The following PCED1B variants were observed in gnomAD, a reference collection of about 807,000 sequenced individuals.
The protein encoded by PCED1B is PC-esterase domain-containing protein 1B.
For synonymous variants in PCED1B, 251 were observed against 246.1 expected (o/e 1.02, Z -0.19); for missense variants, 573 against 573.9 (o/e 1.00, Z 0.02).
intron 2 of PCED1B, among the ~76,000 whole-genome samples, chr12:47,187,542 G>T (rs539844263): frequency 6.6e-6 from 1 of 152,268 alleles, no homozygotes; most frequent in South Asian, 2.1e-4. Context: ...CAGTGAAAGT[G>T]TAAACAGTTA....
intron 2 of PCED1B, among the ~76,000 whole-genome samples, chr12:47,211,352 T>A (rs1460709797): frequency 2.0e-5 from 3 of 152,158 alleles, no homozygotes; most frequent in Non-Finnish European, 4.4e-5. Context: ...TCTATCTTCC[T>A]TGACAAAACA....
intron 2 of PCED1B, among the ~76,000 whole-genome samples, chr12:47,158,970 G>T (rs759790800): frequency 3.3e-4 from 50 of 151,910 alleles, no homozygotes; most frequent in African/African-American, 1.1e-3. Context: ...AACTTTTTTA[G>T]CTCTCCCGTA....
rs879618355 is a variant in PCED1B, at chr12:47,146,588, A to C, written c.-526+42393A>C. On this transcript the variant is annotated intron_variant, in intron 2 of 3. Coordinates refer to ENST00000546455, the MANE Select transcript of PCED1B (RefSeq NM_138371.3). ...ACCACCCTGATCAGATTGAGGCAAGACCCTATACCGGCAAAAAGATTACAG... is the reference window on the plus strand; with the variant it reads ...ACCACCCTGATCAGATTGAGGCAAGCCCCTATACCGGCAAAAAGATTACAG... Among the ~76,000 whole-genome samples the C allele has an allele frequency of 1.3e-3, 197 of 152,198 alleles. 2 individuals are homozygous for C. The highest frequency in any genetic ancestry group is 2.4e-3 in the Non-Finnish European group (164 of 68,036).
intron 2 of PCED1B, among the ~76,000 whole-genome samples, chr12:47,212,378 C>T (rs987634659): frequency 6.6e-6 from 1 of 152,198 alleles, no homozygotes; most frequent in Non-Finnish European, 1.5e-5. Context: ...AGACCCAGTT[C>T]TTGCAGGGCA....
intron 2 of PCED1B, among the ~76,000 whole-genome samples, chr12:47,159,406 T>C (rs961388269): frequency 6.6e-6 from 1 of 152,140 alleles, no homozygotes; most frequent in Non-Finnish European, 1.5e-5. Context: ...CTTGCCAGCA[T>C]TAGTTATTTT....
chr12:47,151,396 G>A (rs1487886578), intron 2 of PCED1B, among the ~76,000 whole-genome samples: 1 of 152,184 alleles, frequency 6.6e-6, no homozygotes, highest in African/African-American at 2.4e-5. Flanking sequence ...TATAGCCTAG[G>A]TGTGTGGTAG....
At chr12:47,157,488 G>C (rs138647655) in intron 2 of PCED1B, among the ~76,000 whole-genome samples, 1 of 152,096 alleles carries the variant, frequency 6.6e-6, no homozygotes, top group East Asian at 1.9e-4. Flanking sequence ...TACTGGGGAG[G>C]TTGAGGCAGG....
At chr12:47,176,796 C>T (rs1201383660) in intron 2 of PCED1B, among the ~76,000 whole-genome samples, 1 of 151,844 alleles carries the variant, frequency 6.6e-6, no homozygotes, top group East Asian at 1.9e-4. Flanking sequence ...AGCCCTTAAC[C>T]TTTGGGATCT....
chr12:47,232,246 C>T (rs945535174), intron 3 of PCED1B, among the ~76,000 whole-genome samples: 9 of 152,200 alleles, frequency 5.9e-5, no homozygotes, highest in Non-Finnish European at 1.3e-4. Flanking sequence ...CTGCCTCAGT[C>T]TTCCAAAGTG....
At chr12:47,097,019 A>G (rs1218116300) in intron 1 of PCED1B, among the ~76,000 whole-genome samples, 3 of 152,220 alleles carry the variant, frequency 2.0e-5, no homozygotes, top group Non-Finnish European at 2.9e-5. Flanking sequence ...ATATTTTGCA[A>G]TTTTCAAAAA....
At chr12:47,181,307 T>C (rs1942087373) in intron 2 of PCED1B, among the ~76,000 whole-genome samples, 1 of 152,100 alleles carries the variant, frequency 6.6e-6, no homozygotes, top group African/African-American at 2.4e-5. Context: ...TCTTGATACA[T>C]ATTTCAGTGC....
intron 3 of PCED1B, among the ~76,000 whole-genome samples, chr12:47,224,884 C>G (rs376104390): frequency 6.6e-6 from 1 of 152,102 alleles, no homozygotes; most frequent in African/African-American, 2.4e-5. Flanking sequence ...GTAGGTGATT[C>G]GAATCAGTTA....
intron 2 of PCED1B, among the ~76,000 whole-genome samples, chr12:47,130,652 C>A (rs748365220): frequency 2.0e-5 from 3 of 152,132 alleles, no homozygotes; most frequent in Non-Finnish European, 4.4e-5. Context: ...TTATGCTACC[C>A]TACTCCAACC....
intron 1 of PCED1B, among the ~76,000 whole-genome samples, chr12:47,083,314 C>T (rs1009312810): frequency 6.6e-6 from 1 of 152,092 alleles, no homozygotes; most frequent in African/African-American, 2.4e-5. Flanking sequence ...GGAATTTATA[C>T]ACTGGCAGAT....
chr12:47,198,098 A>G (rs1022981928), intron 2 of PCED1B, among the ~76,000 whole-genome samples: 6 of 152,224 alleles, frequency 3.9e-5, no homozygotes, highest in Admixed American at 3.9e-4. Context: ...AAAGAAAGGA[A>G]AACTACAGAC....
At chr12:47,145,821 A>G (rs935964935) in intron 2 of PCED1B, among the ~76,000 whole-genome samples, 2 of 152,222 alleles carry the variant, frequency 1.3e-5, no homozygotes, top group African/African-American at 2.4e-5. Flanking sequence ...GGAGATGTGC[A>G]AGGAGATAAA....
chr12:47,220,622 A>G (rs752469368), intron 3 of PCED1B, among the ~76,000 whole-genome samples: 2 of 152,250 alleles, frequency 1.3e-5, no homozygotes, highest in African/African-American at 4.8e-5. Flanking sequence ...TACTAGGCAC[A>G]GGCACTGGGC....
rs61927692 is a variant in PCED1B at position 47,135,490 on chromosome 12, C to G, written c.-526+31295C>G. 3.1e-5 allele frequency: 14 copies of G among 454,606 alleles called. No homozygotes were observed. In the Admixed American group the frequency reaches 3.5e-4, roughly 11 times the overall value. 28.2% of individuals were successfully genotyped at this position (454,606 alleles called of 1,614,324 possible). A position where few individuals can be genotyped will look rare whatever the true frequency, so the allele number is the denominator to read the frequency against. ...GCCCGGATGCTGTCTCCTGTTCTATCGAGAGACTTGGAAGATCAGCACTGA... is the reference window on the plus strand; with the variant it reads ...GCCCGGATGCTGTCTCCTGTTCTATGGAGAGACTTGGAAGATCAGCACTGA... On this transcript the variant is annotated intron_variant, in intron 2 of 3. Transcript: ENST00000546455.
At position 47,176,114 on chromosome 12, in the gene PCED1B, T is replaced by G. The variant is rs553601223; in HGVS notation, c.-525-40108T>G. 3.8e-4 allele frequency among the ~76,000 whole-genome samples: 58 copies of G among 152,190 alleles called. 1 individual carries two copies. Among genetic ancestry groups the G allele is most frequent in the African/African-American group, 1.2e-3 (51 of 41,524 alleles). On this transcript the variant is annotated intron_variant, in intron 2 of 3. Coordinates refer to ENST00000546455, the MANE Select transcript of PCED1B (RefSeq NM_138371.3). ...TTTCCTTCTTAAAAAGTGGCTGGATTTCATACTGACTAAAATCAGGAAAAC... is the reference window on the plus strand; with the variant it reads ...TTTCCTTCTTAAAAAGTGGCTGGATGTCATACTGACTAAAATCAGGAAAAC...
Sources: gnomAD v4.1 joint callset for allele counts (sites outside exome capture counted in the v4.1 genomes callset) on GRCh38, gnomAD v4.1.1 for gene constraint, MANE v1.5 for transcripts, NCBI Gene and HGNC (gene_info 2026-07-23, HGNC 2026-07-21) for gene names.